The following GPAT4 variants were observed in gnomAD, a reference collection of about 807,000 sequenced individuals.
The protein encoded by GPAT4 is 1-AGP acyltransferase 6.
In GPAT4, 17 loss-of-function variants were observed where a neutral mutation model predicts 58.0. That is an observed-to-expected ratio of 0.29 (90% CI 0.20 to 0.44). GPAT4 has a LOEUF of 0.44. GPAT4 is among the 20% of genes least tolerant of loss of function. The pLI, the probability that GPAT4 is intolerant of heterozygous loss-of-function variation, is 1.00. For missense variants in GPAT4, 377 were observed against 574.5 expected (o/e 0.66, Z 3.51); for synonymous variants, 204 against 210.1 (o/e 0.97, Z 0.25).
intron 1 of GPAT4, among the ~76,000 whole-genome samples, chr8:41,582,329 A>C (rs1159903117): frequency 2.0e-5 from 3 of 152,096 alleles, no homozygotes; most frequent in Non-Finnish European, 4.4e-5. Flanking sequence ...ATTCAGGGAC[A>C]CATAGACTAG....
intron 2 of GPAT4, among the ~76,000 whole-genome samples, chr8:41,609,213 G>A (rs757283916): frequency 3.6e-4 from 55 of 152,322 alleles, no homozygotes; most frequent in Non-Finnish European, 6.8e-4. Flanking sequence ...TTTTGCTATA[G>A]GTGACTTAAC....
chr8:41,622,068 A>G lies in GPAT4; in HGVS notation c.*1067A>G, dbSNP rs528589734. 1 of 152,274 alleles carries G rather than the reference A, an allele frequency of 6.6e-6. No individual in the cohort carries two copies. The highest frequency in any genetic ancestry group is 1.5e-5 in the Non-Finnish European group (1 of 68,096). The allele number at this position is 152,274 out of a possible 1,614,324, so 9.4% of individuals were successfully genotyped here. On this transcript the variant is annotated 3_prime_UTR_variant, in exon 13 of 13. Coordinates refer to ENST00000396987, the MANE Select transcript of GPAT4 (RefSeq NM_178819.4). ...GAGGAACCCTGCAGCTCAGAAGGTG[A>G]ACAGCTCGTCTCAGATGCTTGCAGA...
chr8:41,584,658 A>C (rs544173396), intron 1 of GPAT4: 1 of 152,354 alleles, frequency 6.6e-6, no homozygotes, highest in South Asian at 2.1e-4. Context: ...CCATCAGAGC[A>C]GTGTTCAGGT....
intron 12 of GPAT4, 78 bp downstream of exon 12, chr8:41,619,055 C>G: frequency 4.6e-6 from 7 of 1,523,644 alleles, no homozygotes; most frequent in Non-Finnish European, 6.3e-6. Context: ...CATGTCATTC[C>G]CCGTGGTGTG....
intron 12 of GPAT4, among the ~76,000 whole-genome samples, chr8:41,620,524 C>T (rs1280869414): frequency 2.0e-5 from 3 of 152,140 alleles, no homozygotes; most frequent in Non-Finnish European, 4.4e-5. Context: ...CGTTATGAGT[C>T]GATATTTCTT....
intron 2 of GPAT4, among the ~76,000 whole-genome samples, chr8:41,605,032 A>G (rs562844251): frequency 6.6e-6 from 1 of 152,350 alleles, no homozygotes; most frequent in Admixed American, 6.5e-5. Context: ...GCAGACAGGA[A>G]TTAAGGGGGA....
In GPAT4 at chr8:41,623,006, A is replaced by G. The variant is rs1803799059; in HGVS notation, c.*2005A>G. 1 of 148,570 alleles carries G rather than the reference A, an allele frequency of 6.7e-6. No individual in the cohort carries two copies. The highest frequency in any genetic ancestry group is 1.5e-5 in the Non-Finnish European group (1 of 67,366). 9.2% of individuals were successfully genotyped at this position (148,570 alleles called of 1,614,324 possible). ...AACTTTATGGTTTGTTACTTTCGTGATTTGCATAGGTATTTATATATACAC... is the reference window on the plus strand; with the variant it reads ...AACTTTATGGTTTGTTACTTTCGTGGTTTGCATAGGTATTTATATATACAC... On this transcript the variant is annotated 3_prime_UTR_variant, in exon 13 of 13. Coordinates refer to ENST00000396987, the MANE Select transcript of GPAT4 (RefSeq NM_178819.4).
intron 10 of GPAT4, chr8:41,618,457 C>T: frequency 1.7e-6 from 1 of 585,104 alleles, no homozygotes; most frequent in Non-Finnish European, 3.0e-6. Flanking sequence ...TCAGGGGAGC[C>T]TTCCTTACTG....
chr8:41,585,080 C>T (rs1802616192), intron 1 of GPAT4, among the ~76,000 whole-genome samples: 1 of 152,182 alleles, frequency 6.6e-6, no homozygotes, highest in South Asian at 2.1e-4. Flanking sequence ...CATGCAGTTT[C>T]CCCACTAAGC....
intron 1 of GPAT4, among the ~76,000 whole-genome samples, chr8:41,583,111 A>G (rs1802566004): frequency 6.6e-6 from 1 of 152,014 alleles, no homozygotes; most frequent in Non-Finnish European, 1.5e-5. Context: ...CTGTAATCCC[A>G]GGTATGAGGG....
At chr8:41,594,903 C>CT (rs1033711894) in intron 1 of GPAT4, among the ~76,000 whole-genome samples, 21 of 150,942 alleles carry the variant, frequency 1.4e-4, no homozygotes, top group East Asian at 7.8e-4. Context: ...TACCATATAG[C>CT]TTTTTTTTTA....
At chr8:41,605,210 C>T (rs1803225603) in intron 2 of GPAT4, among the ~76,000 whole-genome samples, 1 of 152,236 alleles carries the variant, frequency 6.6e-6, no homozygotes, top group Non-Finnish European at 1.5e-5. Context: ...TAAGTTCTGG[C>T]TGCCGCCTCT....
chr8:41,613,022 A>G, intron 8 of GPAT4, 62 bp downstream of exon 8: 2 of 1,424,942 alleles, frequency 1.4e-6, no homozygotes, highest in Admixed American at 3.6e-5. Flanking sequence ...GTTTCAGGGT[A>G]GTTATCCCTC....
In GPAT4 at chr8:41,597,015, CAG is replaced by C. The variant is rs1272637290; in HGVS notation, c.-848-1276_-848-1275del. On this transcript the variant is annotated intron_variant, in intron 1 of 12. Coordinates refer to ENST00000396987, the MANE Select transcript of GPAT4 (RefSeq NM_178819.4). The stretch of plus-strand genomic sequence containing the variant: ...GTAATCAGAATGGAACAGAACAGGA[CAG>C]GGGTTTTCACGATGCTTTTCCATAC... Among the ~76,000 whole-genome samples, 6 of 152,214 alleles carry C rather than the reference CAG, an allele frequency of 3.9e-5. No individual in the cohort carries two copies. The East Asian group carries it at 5.8e-4, about 15-fold the overall frequency.
intron 1 of GPAT4, among the ~76,000 whole-genome samples, chr8:41,582,405 A>G (rs1802540078): frequency 6.6e-6 from 1 of 151,356 alleles, no homozygotes; most frequent in Admixed American, 6.6e-5. Flanking sequence ...TTTCTGCTGT[A>G]CCATTTTCTT....
intron 1 of GPAT4, among the ~76,000 whole-genome samples, chr8:41,583,611 C>T (rs186972123): frequency 6.6e-6 from 1 of 152,114 alleles, no homozygotes; most frequent in East Asian, 1.9e-4. Flanking sequence ...AGTCATTGAA[C>T]TCCAGTGTGC....
rs1803469114 is a variant in GPAT4, at chr8:41,612,306, A to G, written c.795+33A>G. On this transcript the variant is annotated intron_variant, in intron 7 of 12. Transcript: ENST00000396987. ...CTCTTTCCGGTGCGTTCTTGAGGCA[A>G]GACTTCCTGCTTTAGAGTGGTCAGG... The G allele has an allele frequency of 3.7e-6, 6 of 1,609,148 alleles. 1 individual carries two copies. In the Admixed American group the frequency reaches 6.7e-5, roughly 18 times the overall value.
chr8:41,589,751 C>T lies in GPAT4; in HGVS notation c.-848-8541C>T, dbSNP rs115507113. Among the ~76,000 whole-genome samples the T allele has an allele frequency of 5.5e-3, 845 of 152,282 alleles. 9 individuals are homozygous for T. The highest frequency in any genetic ancestry group is 0.019 in the African/African-American group (776 of 41,556). ...CTATGATCCTTAGAGGAGTGATCTA[C>T]ACTCTGGCATGGGGGTCAAAGTGAC... On this transcript the variant is annotated intron_variant, in intron 1 of 12. Coordinates refer to ENST00000396987, the MANE Select transcript of GPAT4 (RefSeq NM_178819.4).
intron 2 of GPAT4, among the ~76,000 whole-genome samples, chr8:41,600,002 A>G (rs962338551): frequency 1.3e-5 from 2 of 149,820 alleles, no homozygotes; most frequent in Non-Finnish European, 3.0e-5. Flanking sequence ...AGTAAAAATA[A>G]TACAGCATTG....
Sources: gnomAD v4.1 joint callset for allele counts (sites outside exome capture counted in the v4.1 genomes callset) on GRCh38, gnomAD v4.1.1 for gene constraint, MANE v1.5 for transcripts, NCBI Gene and HGNC (gene_info 2026-07-23, HGNC 2026-07-21) for gene names.